COL22A1: variants seen among roughly 807,000 people sequenced by gnomAD.
The protein encoded by COL22A1 is collagen alpha-1(XXII) chain.
A neutral mutation model predicts 248.9 loss-of-function variants in COL22A1; 221 were observed. The observed-to-expected ratio is 0.89, with a 90% CI of 0.80 to 0.99. COL22A1 has a LOEUF of 0.99. COL22A1 is among the 50% of genes least tolerant of loss of function. The pLI is 0.00. For synonymous variants in COL22A1, 891 were observed against 793.4 expected (o/e 1.12, Z -2.07); for missense variants, 2,240 against 2,179.0 (o/e 1.03, Z -0.56).
intron 25 of COL22A1, 103 bp downstream of exon 25, chr8:138,724,512 G>C (rs1830147139): frequency 2.6e-6 from 3 of 1,146,228 alleles, no homozygotes; most frequent in African/African-American, 3.1e-5. Flanking sequence ...GGAGTCCTCA[G>C]CTCTAGGAAA....
In COL22A1 at chr8:138,699,533, C is replaced by T. The variant is rs1238309642; in HGVS notation, c.2592+579G>A. 3.3e-5 allele frequency among the ~76,000 whole-genome samples: 5 copies of T among 152,290 alleles called. No homozygotes were observed. In the East Asian group the frequency reaches 5.8e-4, roughly 18 times the overall value. The stretch of plus-strand genomic sequence containing the variant: ...AACACCTATTTTCTGAAGAGCCATT[C>T]GTGAAAAGAGAGGAAAAAGGTTTCT... On this transcript the variant is annotated intron_variant, in intron 32 of 64. Transcript: ENST00000303045.
chr8:138,712,212 C>T (rs1384509224), intron 30 of COL22A1, among the ~76,000 whole-genome samples: 1 of 152,200 alleles, frequency 6.6e-6, no homozygotes, highest in Non-Finnish European at 1.5e-5. Flanking sequence ...AGATGCCACA[C>T]AGCAGATAGA....
intron 30 of COL22A1, among the ~76,000 whole-genome samples, chr8:138,712,905 G>A (rs1413516120): frequency 6.6e-6 from 1 of 152,144 alleles, no homozygotes; most frequent in Non-Finnish European, 1.5e-5. Context: ...CCAGCAGAGG[G>A]TACATGTTCT....
intron 1 of COL22A1, among the ~76,000 whole-genome samples, chr8:138,901,370 T>TTTTTG (rs1554660900): frequency 3.6e-5 from 3 of 84,502 alleles, no homozygotes; most frequent in Admixed American, 3.5e-4. Flanking sequence ...TTTTTTTTTG[T>TTTTTG]TTTTTTTTTT....
At chr8:138,669,963 T>C (rs375954881) in intron 41 of COL22A1, among the ~76,000 whole-genome samples, 44 of 149,154 alleles carry the variant, frequency 2.9e-4, no homozygotes, top group African/African-American at 1.1e-3. Flanking sequence ...CTTGGCTCAC[T>C]GCAACTTCCA....
chr8:138,705,403 G>T (rs1828343321), intron 30 of COL22A1, among the ~76,000 whole-genome samples: 2 of 152,220 alleles, frequency 1.3e-5, no homozygotes, highest in South Asian at 4.1e-4. Flanking sequence ...TTACCACAAA[G>T]GGAAGCTCAT....
At chr8:138,651,387 T>C (rs1247174180) in intron 45 of COL22A1, among the ~76,000 whole-genome samples, 1 of 152,234 alleles carries the variant, frequency 6.6e-6, no homozygotes, top group Non-Finnish European at 1.5e-5. Flanking sequence ...ATGAGTGCTA[T>C]AAATGAATGA....
chr8:138,863,799 A>C (rs966551268), intron 3 of COL22A1, among the ~76,000 whole-genome samples: 1 of 152,136 alleles, frequency 6.6e-6, no homozygotes, highest in African/African-American at 2.4e-5. Context: ...TATAATAGAT[A>C]ATCTACAAAT....
rs1483758478 is a variant in COL22A1, at chr8:138,725,428, G to A, written c.2152C>T (p.Pro718Ser). The A allele has an allele frequency of 3.7e-6, 6 of 1,613,888 alleles. No homozygotes were observed. The African/African-American group carries it at 4.0e-5, about 11-fold the overall frequency. Residue 718 changes from proline to serine, a missense_variant, in exon 24 of 65, where the codon CCC becomes TCC. By Grantham distance (74) the Pro-to-Ser change is moderately conservative. Coordinates refer to ENST00000303045, the MANE Select transcript of COL22A1 (RefSeq NM_152888.3). ...CCAGGGGGGCCTGGGACACCAGGGG[G>A]TCCTGGAGGGCCCTGTAGAGAAAGA... Reference protein sequence around the residue: ...GLLGLQGPPGPPGVPGPPGPG... With the variant: ...GLLGLQGPPGSPGVPGPPGPG...
intron 17 of COL22A1, among the ~76,000 whole-genome samples, chr8:138,761,658 C>A (rs1202494850): frequency 6.6e-6 from 1 of 151,880 alleles, no homozygotes; most frequent in African/African-American, 2.4e-5. Flanking sequence ...TTATGCTATG[C>A]AACATAGTAT....
chr8:138,774,798 A>T (rs900465415), intron 16 of COL22A1, among the ~76,000 whole-genome samples: 1 of 152,226 alleles, frequency 6.6e-6, no homozygotes, highest in Non-Finnish European at 1.5e-5. Context: ...ATTATGGTTT[A>T]TTCACTCAGT....
chr8:138,659,281 T>A (rs7462741), intron 44 of COL22A1, among the ~76,000 whole-genome samples: 87,998 of 151,958 alleles, frequency 0.58, 29,902 homozygotes, highest in Non-Finnish European at 0.76. Flanking sequence ...CAGACCAGGA[T>A]CCCTGTCCAG....
chr8:138,666,984 C>A (rs988436469), intron 41 of COL22A1, among the ~76,000 whole-genome samples: 21 of 152,122 alleles, frequency 1.4e-4, no homozygotes, highest in African/African-American at 5.1e-4. Context: ...TATCACCTTG[C>A]CTTGTGTTAT....
chr8:138,601,708 C>T (rs1359204762), intron 60 of COL22A1, among the ~76,000 whole-genome samples: 2 of 152,138 alleles, frequency 1.3e-5, no homozygotes, highest in Non-Finnish European at 2.9e-5. Flanking sequence ...AAAATCTGTT[C>T]CCTTGTCACC....
chr8:138,893,123 A>T (rs1017838902), intron 1 of COL22A1, among the ~76,000 whole-genome samples: 4 of 152,224 alleles, frequency 2.6e-5, no homozygotes, highest in African/African-American at 9.7e-5. Flanking sequence ...TTGGAGCCCA[A>T]CCAAGCTTGC....
At chr8:138,755,456 G>A in intron 20 of COL22A1, 26 bp downstream of exon 20, 1 of 1,609,632 alleles carries the variant, frequency 6.2e-7, no homozygotes, top group Non-Finnish European at 8.5e-7. Flanking sequence ...AAATCCCCAT[G>A]AGAAGAAGAC....
intron 16 of COL22A1, among the ~76,000 whole-genome samples, chr8:138,772,817 C>T (rs550760338): frequency 4.7e-4 from 72 of 152,188 alleles, no homozygotes; most frequent in African/African-American, 1.5e-3. Flanking sequence ...GAGCCGAGAT[C>T]GCACCACTGA....
At chr8:138,881,299 GA>G (rs60720644) in intron 2 of COL22A1, among the ~76,000 whole-genome samples, 12 of 139,262 alleles carry the variant, frequency 8.6e-5, no homozygotes, top group Non-Finnish European at 1.2e-4. Flanking sequence ...GAGAGGCTCA[GA>G]AAAAAAAAAA....
intron 3 of COL22A1, among the ~76,000 whole-genome samples, chr8:138,867,763 ATTGT>A (rs1301990199): frequency 3.9e-5 from 6 of 151,946 alleles, no homozygotes; most frequent in African/African-American, 9.7e-5. Flanking sequence ...GTATTTATTT[ATTGT>A]TTGTTTATTT....
Sources: allele counts gnomAD v4.1 joint callset (sites outside exome capture counted in the v4.1 genomes callset), GRCh38; gene constraint gnomAD v4.1.1; transcripts MANE v1.5; gene names NCBI Gene and HGNC (gene_info 2026-07-23, HGNC 2026-07-21).